Variants in CCDC13 observed in about 807,000 individuals in gnomAD.
CCDC13 encodes coiled-coil domain-containing protein 13.
A neutral mutation model predicts 87.3 loss-of-function variants in CCDC13; 70 were observed. The ratio of observed to expected loss-of-function variants is 0.80; its 90% confidence interval spans 0.66 to 0.98. The LOEUF is 0.98. Among genes scored for constraint, CCDC13 ranks in the 50% least tolerant of loss-of-function variants. The pLI is 0.00. For synonymous variants in CCDC13, 317 were observed against 360.3 expected (o/e 0.88, Z 1.36); for missense variants, 842 against 892.0 (o/e 0.94, Z 0.71).
intron 5 of CCDC13, among the ~76,000 whole-genome samples, chr3:42,748,725 T>G (rs1231208298): frequency 2.0e-5 from 3 of 152,174 alleles, no homozygotes; most frequent in African/African-American, 7.2e-5. Flanking sequence ...ATACAAATAC[T>G]TTCCTGCTCC....
At chr3:42,750,640 G>C (rs1298785931) in intron 5 of CCDC13, among the ~76,000 whole-genome samples, 1 of 152,146 alleles carries the variant, frequency 6.6e-6, no homozygotes, top group Non-Finnish European at 1.5e-5. Flanking sequence ...GCTAATTGTT[G>C]TATTTTTACT....
At chr3:42,742,463 T>C (rs1446031871) in intron 8 of CCDC13, among the ~76,000 whole-genome samples, 1 of 152,090 alleles carries the variant, frequency 6.6e-6, no homozygotes, top group Non-Finnish European at 1.5e-5. Flanking sequence ...TTAAACCTGG[T>C]AGAGTTAGAG....
At chr3:42,730,800 C>T (rs1698809831) in intron 12 of CCDC13, among the ~76,000 whole-genome samples, 1 of 152,180 alleles carries the variant, frequency 6.6e-6, no homozygotes, top group Non-Finnish European at 1.5e-5. Flanking sequence ...CAAAGCTGAA[C>T]CTACCAGAAC....
intron 15 of CCDC13, among the ~76,000 whole-genome samples, chr3:42,709,359 T>C (rs916001881): frequency 5.9e-5 from 9 of 152,192 alleles, no homozygotes; most frequent in South Asian, 2.1e-4. Flanking sequence ...CCCTTACAAA[T>C]TGAGTTCCAA....
intron 8 of CCDC13, 138 bp from the exon 9 acceptor site, chr3:42,739,948 G>A: frequency 1.3e-6 from 1 of 768,970 alleles, no homozygotes; most frequent in East Asian, 2.6e-5. Flanking sequence ...CAAGTCACTA[G>A]AGCCAGGGCC....
intron 1 of CCDC13, among the ~76,000 whole-genome samples, chr3:42,765,280 T>C (rs1291169474): frequency 1.3e-5 from 2 of 152,214 alleles, no homozygotes; most frequent in African/African-American, 4.8e-5. Context: ...TAGACAGTAA[T>C]GCCTGCACTG....
intron 14 of CCDC13, among the ~76,000 whole-genome samples, chr3:42,710,601 T>C (rs339662): frequency 0.81 from 124,011 of 152,216 alleles, 51,001 homozygotes; most frequent in East Asian, 1. Context: ...GGAGGCCAAG[T>C]GGGGGCAGAT....
intron 1 of CCDC13, among the ~76,000 whole-genome samples, chr3:42,771,330 G>C (rs113121520): frequency 2.0e-4 from 31 of 152,306 alleles, no homozygotes; most frequent in Non-Finnish European, 3.8e-4. Context: ...GGTTTCCAGG[G>C]GTTGGTGGGA....
intron 5 of CCDC13, chr3:42,750,054 C>A (rs552043548): frequency 2.5e-6 from 1 of 406,964 alleles, no homozygotes; most frequent in South Asian, 1.7e-5. Context: ...GCCCATCACA[C>A]ACTCTTCTCT....
chr3:42,719,380 T>A (rs1698505321), intron 13 of CCDC13: 1 of 39,428 alleles, frequency 2.5e-5, no homozygotes, highest in South Asian at 1.2e-3. Flanking sequence ...AGGCAGTGCT[T>A]TCCTCTCTCT....
chr3:42,756,518 C>T (rs1461163456), intron 3 of CCDC13, among the ~76,000 whole-genome samples: 1 of 152,012 alleles, frequency 6.6e-6, no homozygotes, highest in Non-Finnish European at 1.5e-5. Flanking sequence ...CCTCCTAGAA[C>T]AGGTGACTCA....
chr3:42,770,751 G>GC (rs1375249943), intron 1 of CCDC13: 1 of 152,958 alleles, frequency 6.5e-6, no homozygotes, highest in Non-Finnish European at 1.5e-5. Context: ...CCTGAAGCCA[G>GC]CAAGACCACG....
intron 3 of CCDC13, among the ~76,000 whole-genome samples, chr3:42,755,545 T>G (rs1023166126): frequency 1.3e-5 from 2 of 152,188 alleles, no homozygotes; most frequent in Non-Finnish European, 1.5e-5. Context: ...AAGTGGAGGT[T>G]GTGGTGAGCC....
In CCDC13 at chr3:42,743,034, C is replaced by A. The variant is rs1417064093; in HGVS notation, c.849G>T (p.Leu283Phe). The change falls in exon 8 of 16, where the codon TTG becomes TTT. Residue 283 changes from leucine (L) to phenylalanine (F), a missense_variant. Leu to Phe is a conservative substitution (Grantham distance 22, BLOSUM62 0). Transcript: ENST00000310232. ...QSKVQELEKQ[L>F]GQARSQSAGT... Reference sequence around the variant, plus strand: ...CCGCAGACTGGCTCCGGGCCTGGCCCAATTGCTTCTCAAGCTCTTGAACCT... The same window carrying A: ...CCGCAGACTGGCTCCGGGCCTGGCCAAATTGCTTCTCAAGCTCTTGAACCT... 1.2e-6 allele frequency: 2 copies of A among 1,614,082 alleles called. No individual in the cohort carries two copies.
chr3:42,709,826 TGAG>T (rs1267420861), intron 14 of CCDC13, 28 bp from the exon 15 acceptor site: 1 of 1,550,788 alleles, frequency 6.4e-7, no homozygotes, highest in Non-Finnish European at 8.9e-7. Context: ...CCACTTTCTG[TGAG>T]GAGGCCACAG....
At chr3:42,750,282 C>G (rs1699541493) in intron 5 of CCDC13, among the ~76,000 whole-genome samples, 1 of 152,170 alleles carries the variant, frequency 6.6e-6, no homozygotes, top group African/African-American at 2.4e-5. Flanking sequence ...AAGGCCAGCT[C>G]AGGGACGCCC....
intron 6 of CCDC13, chr3:42,746,358 A>C: frequency 3.6e-6 from 1 of 276,242 alleles, no homozygotes; most frequent in Non-Finnish European, 7.0e-6. Flanking sequence ...TAACCCACTC[A>C]CCTGTCACCT....
rs771901766 is a variant in CCDC13, at chr3:42,709,716, G to A, written c.1956C>T (p.Pro652=). 22 of 1,614,016 alleles carry A rather than the reference G, an allele frequency of 1.4e-5. No homozygotes were observed. The highest frequency in any genetic ancestry group is 9.9e-5 in the South Asian group (9 of 91,082). The change falls in exon 15 of 16, where the codon CCC becomes CCT. Residue 652 remains proline (P), a synonymous_variant. Transcript: ENST00000310232. ...DPSFAQLSDV[P]VESQMEELTT... ...TCAGCTCTTCCATTTGGGATTCCAC[G>A]GGCACATCGGAGAGCTGGGCAAAGG... is the stretch of plus-strand genomic sequence containing the variant.
intron 3 of CCDC13, among the ~76,000 whole-genome samples, chr3:42,754,177 G>A (rs1559658623): frequency 6.6e-6 from 1 of 152,194 alleles, no homozygotes; most frequent in Non-Finnish European, 1.5e-5. Context: ...GAAGAAGGGT[G>A]ACAACTGGTG....
Sources: allele counts gnomAD v4.1 joint callset (sites outside exome capture counted in the v4.1 genomes callset), GRCh38; gene constraint gnomAD v4.1.1; transcripts MANE v1.5; gene names NCBI Gene and HGNC (gene_info 2026-07-23, HGNC 2026-07-21).